SORCS2: variants seen among roughly 807,000 people sequenced by gnomAD.
SORCS2 encodes sortilin related VPS10 domain containing receptor 2.
Under a neutral mutation model 141.6 loss-of-function variants are expected in SORCS2, and 100 were observed. The observed-to-expected ratio is 0.71, with a 90% confidence interval of 0.60 to 0.83. SORCS2 has a LOEUF of 0.83. SORCS2 is among the 40% of genes least tolerant of loss of function. The probability of loss-of-function intolerance (pLI) is 0.00; values close to 1 mark genes in which losing one functional copy is unlikely to be tolerated. For missense variants in SORCS2, 1,646 were observed against 1,560.2 expected (o/e 1.05, Z -0.93); for synonymous variants, 789 against 676.9 (o/e 1.17, Z -2.57).
chr4:7,600,668 C>A (rs866555014), intron 3 of SORCS2, among the ~76,000 whole-genome samples: 3 of 144,980 alleles, frequency 2.1e-5, no homozygotes, highest in African/African-American at 8.5e-5. Flanking sequence ...CACACACACA[C>A]ACACACACAC....
intron 2 of SORCS2, among the ~76,000 whole-genome samples, chr4:7,512,743 G>C (rs1732740104): frequency 6.6e-6 from 1 of 151,726 alleles, no homozygotes; most frequent in South Asian, 2.1e-4. Flanking sequence ...TCCTCACTAT[G>C]GGGACCTCTG....
At chr4:7,376,300 G>A (rs914521437) in intron 1 of SORCS2, among the ~76,000 whole-genome samples, 6 of 151,594 alleles carry the variant, frequency 4.0e-5, no homozygotes, top group African/African-American at 1.5e-4. Context: ...ATACTGGCTG[G>A]GCACGGTGGC....
intron 1 of SORCS2, among the ~76,000 whole-genome samples, chr4:7,332,385 G>A (rs1560198798): frequency 6.6e-6 from 1 of 152,344 alleles, no homozygotes; most frequent in East Asian, 1.9e-4. Flanking sequence ...CAGACAGTGG[G>A]TGTTCTCCAG....
At position 7,201,284 on chromosome 4, in the gene SORCS2, C is replaced by G. The variant is rs1232921335; in HGVS notation, c.480+8158C>G. 2.6e-5 allele frequency among the ~76,000 whole-genome samples: 4 copies of G among 152,198 alleles called. No individual in the cohort carries two copies. Among genetic ancestry groups the G allele is most frequent in the Admixed American group, 6.5e-5 (1 of 15,272 alleles). ...GCACAGGAGAGACTCGTGCGTTGAT[C>G]AAGAAGCCTGGCTCGAAGTCATAGA... On this transcript the variant is annotated intron_variant, in intron 1 of 26. Coordinates refer to ENST00000507866, the MANE Select transcript of SORCS2 (RefSeq NM_020777.3). The surrounding 1 kb of genome is among the most constrained non-coding windows in gnomAD (Gnocchi z 4.4).
chr4:7,652,800 G>A (rs563841074), intron 4 of SORCS2, among the ~76,000 whole-genome samples: 6 of 152,228 alleles, frequency 3.9e-5, no homozygotes, highest in East Asian at 1.9e-4. Flanking sequence ...CCCCCTGAGC[G>A]CCTCATCTTA....
At chr4:7,666,968 G>T (rs1046430276) in intron 7 of SORCS2, among the ~76,000 whole-genome samples, 156 bp from the exon 8 acceptor site, 2 of 152,014 alleles carry the variant, frequency 1.3e-5, no homozygotes, top group African/African-American at 4.8e-5. Flanking sequence ...GGGCTTTGAA[G>T]GATGAATAGG....
intron 3 of SORCS2, among the ~76,000 whole-genome samples, chr4:7,597,817 T>G (rs28489290): frequency 0.013 from 1,941 of 152,054 alleles, 28 homozygotes; most frequent in Middle Eastern, 0.034. Context: ...TTTTCTTTCA[T>G]TGGGAAGCAA....
At chr4:7,524,711 C>T (rs1325996953) in intron 2 of SORCS2, among the ~76,000 whole-genome samples, 1 of 151,976 alleles carries the variant, frequency 6.6e-6, no homozygotes, top group Admixed American at 6.6e-5. Context: ...GCCTCCTTAA[C>T]CGCATCTCTC....
At chr4:7,199,932 C>G (rs528031266) in intron 1 of SORCS2, among the ~76,000 whole-genome samples, 1 of 152,012 alleles carries the variant, frequency 6.6e-6, no homozygotes, top group Non-Finnish European at 1.5e-5. Context: ...ACCGACACTC[C>G]CGGGGAATGC....
chr4:7,660,477 C>T (rs766721670), intron 5 of SORCS2, among the ~76,000 whole-genome samples: 26 of 152,232 alleles, frequency 1.7e-4, no homozygotes, highest in African/African-American at 2.4e-4. Flanking sequence ...ATTTCCTTCA[C>T]GGCTTCTCTG....
chr4:7,630,443 A>G (rs1464452939), intron 3 of SORCS2, among the ~76,000 whole-genome samples: 1 of 152,184 alleles, frequency 6.6e-6, no homozygotes, highest in African/African-American at 2.4e-5. Context: ...GAACCTCAGC[A>G]CAGAAGAAAT....
intron 4 of SORCS2, among the ~76,000 whole-genome samples, chr4:7,650,720 G>A (rs189089381): frequency 6.7e-5 from 4 of 59,318 alleles, no homozygotes; most frequent in African/African-American, 3.0e-4. Context: ...CTCTCTCCCC[G>A]CCCCGCCCAG....
intron 3 of SORCS2, among the ~76,000 whole-genome samples, chr4:7,546,792 A>G (rs1163127071): frequency 6.6e-6 from 1 of 152,210 alleles, no homozygotes; most frequent in African/African-American, 2.4e-5. Context: ...GCTCCCTCTG[A>G]TAGGCTGTGC....
intron 1 of SORCS2, among the ~76,000 whole-genome samples, chr4:7,351,738 C>T (rs1720955295): frequency 6.6e-6 from 1 of 151,556 alleles, no homozygotes; most frequent in South Asian, 2.1e-4. Context: ...CCCATCTATT[C>T]CTCTCTCTCT....
At chr4:7,607,303 G>A (rs1718120619) in intron 3 of SORCS2, among the ~76,000 whole-genome samples, 4 of 152,122 alleles carry the variant, frequency 2.6e-5, no homozygotes, top group African/African-American at 4.8e-5. Flanking sequence ...GATGCTCCAC[G>A]CAGACGCTTT....
chr4:7,534,456 C>A (rs973655159), intron 3 of SORCS2, among the ~76,000 whole-genome samples: 1 of 152,228 alleles, frequency 6.6e-6, no homozygotes, highest in Non-Finnish European at 1.5e-5. Context: ...TGAAGAGAAG[C>A]CCCCAAAGAT....
chr4:7,568,194 C>T (rs776642187), intron 3 of SORCS2, among the ~76,000 whole-genome samples: 1 of 152,202 alleles, frequency 6.6e-6, no homozygotes, highest in East Asian at 1.9e-4. Flanking sequence ...TCTCAGCTCA[C>T]AGTGCCCTTC....
intron 1 of SORCS2, among the ~76,000 whole-genome samples, chr4:7,243,790 G>A (rs1712878632): frequency 6.6e-6 from 1 of 152,230 alleles, no homozygotes; most frequent in African/African-American, 2.4e-5. Flanking sequence ...CGCCAGGCAA[G>A]CAGGTAGCTT....
chr4:7,365,647 A>G (rs1024100656), intron 1 of SORCS2, among the ~76,000 whole-genome samples: 2 of 152,194 alleles, frequency 1.3e-5, no homozygotes, highest in African/African-American at 4.8e-5. Context: ...TGCCCGCCCA[A>G]CAGCTGCTGA....
Sources: gnomAD v4.1 joint callset for allele counts (sites outside exome capture counted in the v4.1 genomes callset) on GRCh38, gnomAD v4.1.1 for gene constraint, Gnocchi (gnomAD v3.1) non-coding constraint, MANE v1.5 for transcripts, NCBI Gene and HGNC (gene_info 2026-07-23, HGNC 2026-07-21) for gene names.